Variants in GALNTL6 observed in about 807,000 individuals in gnomAD.
The protein encoded by GALNTL6 is polypeptide N-acetylgalactosaminyltransferase like 6.
In GALNTL6, 46 loss-of-function variants were observed where a neutral mutation model predicts 73.7. The ratio of observed to expected loss-of-function variants is 0.62; its 90% CI spans 0.49 to 0.80. The LOEUF is 0.80. GALNTL6 is among the 30% of genes least tolerant of loss of function. The pLI is 0.00. For synonymous variants in GALNTL6, 259 were observed against 263.7 expected (o/e 0.98, Z 0.17); for missense variants, 604 against 755.0 (o/e 0.80, Z 2.34).
chr4:172,148,520 C>G (rs979612233), intron 2 of GALNTL6, among the ~76,000 whole-genome samples: 1 of 152,206 alleles, frequency 6.6e-6, no homozygotes, highest in East Asian at 1.9e-4. Context: ...ACATAAGGCA[C>G]TGATCCTCCC....
intron 3 of GALNTL6, among the ~76,000 whole-genome samples, chr4:172,286,335 A>T (rs1013804846): frequency 2.0e-5 from 3 of 152,136 alleles, no homozygotes; most frequent in African/African-American, 7.2e-5. Context: ...ATGTGTGATG[A>T]TGTTGTGGGA....
At chr4:172,501,448 A>T (rs751590224) in intron 5 of GALNTL6, among the ~76,000 whole-genome samples, 1 of 152,174 alleles carries the variant, frequency 6.6e-6, no homozygotes, top group Non-Finnish European at 1.5e-5. Flanking sequence ...AAAGCTTAGT[A>T]AAGTAAATAA....
intron 2 of GALNTL6, among the ~76,000 whole-genome samples, chr4:172,015,774 A>C (rs971263680): frequency 1.3e-5 from 2 of 151,956 alleles, no homozygotes; most frequent in African/African-American, 4.8e-5. Context: ...TCTGAAAAAG[A>C]CTTTATCTCA....
chr4:172,083,656 T>C (rs72698986), intron 2 of GALNTL6, among the ~76,000 whole-genome samples: 7 of 152,306 alleles, frequency 4.6e-5, no homozygotes, highest in Non-Finnish European at 1.0e-4. Context: ...TAGTCCCTTC[T>C]CCCCAACCTC....
At chr4:172,387,499 A>G (rs1261942631) in intron 5 of GALNTL6, among the ~76,000 whole-genome samples, 2 of 152,154 alleles carry the variant, frequency 1.3e-5, no homozygotes, top group African/African-American at 4.8e-5. Flanking sequence ...ATTAGAAGTC[A>G]ACTGTTAATC....
chr4:172,207,892 T>C (rs1736194846), intron 2 of GALNTL6, among the ~76,000 whole-genome samples: 2 of 152,222 alleles, frequency 1.3e-5, no homozygotes. Context: ...TTTATTAAAA[T>C]TGATTTAGAA....
At chr4:172,300,566 G>A (rs1442107157) in intron 3 of GALNTL6, among the ~76,000 whole-genome samples, 1 of 152,054 alleles carries the variant, frequency 6.6e-6, no homozygotes, top group Admixed American at 6.6e-5. Flanking sequence ...GGCAGGCCTG[G>A]TGGTGTCAAA....
chr4:171,906,513 AC>A (rs1321474804), intron 2 of GALNTL6, among the ~76,000 whole-genome samples: 56 of 152,024 alleles, frequency 3.7e-4, no homozygotes, highest in Non-Finnish European at 7.1e-4. Flanking sequence ...TAGCTTACCA[AC>A]CAAAAAGAGT....
At chr4:172,254,938 G>T (rs1738021154) in intron 3 of GALNTL6, among the ~76,000 whole-genome samples, 1 of 151,500 alleles carries the variant, frequency 6.6e-6, no homozygotes, top group Non-Finnish European at 1.5e-5. Flanking sequence ...AAGTTATTCG[G>T]TCATTTACAA....
intron 8 of GALNTL6, among the ~76,000 whole-genome samples, chr4:172,910,482 A>C (rs572403655): frequency 7.9e-5 from 12 of 152,310 alleles, no homozygotes; most frequent in Admixed American, 7.2e-4. Context: ...CATTAAACCC[A>C]ATACCTGGCT....
chr4:171,979,374 TG>T (rs1370786000), intron 2 of GALNTL6, among the ~76,000 whole-genome samples: 9 of 152,004 alleles, frequency 5.9e-5, no homozygotes, highest in Non-Finnish European at 1.0e-4. Context: ...CATATAACAA[TG>T]ATAGACAAAA....
At chr4:172,030,392 C>G (rs1261666823) in intron 2 of GALNTL6, among the ~76,000 whole-genome samples, 1 of 151,832 alleles carries the variant, frequency 6.6e-6, no homozygotes, top group Non-Finnish European at 1.5e-5. Context: ...TGGCTGGGGT[C>G]AAAGGAATAT....
At position 172,802,668 on chromosome 4, in the gene GALNTL6, T is replaced by C. The variant is rs183663982; in HGVS notation, c.554-6693T>C. ...ATAAAATAAAATTAGCCAGGCATGG[T>C]GGTGCATGGTTGTAGTCCCAGCTAC... On this transcript the variant is annotated intron_variant, in intron 5 of 12. Coordinates refer to ENST00000506823, the MANE Select transcript of GALNTL6 (RefSeq NM_001034845.3). 1.1e-3 allele frequency among the ~76,000 whole-genome samples: 172 copies of C among 152,252 alleles called. 2 individuals carry two copies. In the East Asian group the frequency reaches 0.033, roughly 29 times the overall value.
intron 2 of GALNTL6, among the ~76,000 whole-genome samples, chr4:171,890,604 T>A (rs1323192500): frequency 6.6e-6 from 1 of 152,292 alleles, no homozygotes; most frequent in South Asian, 2.1e-4. Flanking sequence ...CTAATGAAGA[T>A]CTTCAAATTA....
At chr4:171,985,380 A>G (rs901279244) in intron 2 of GALNTL6, among the ~76,000 whole-genome samples, 1 of 152,196 alleles carries the variant, frequency 6.6e-6, no homozygotes, top group Non-Finnish European at 1.5e-5. Context: ...TGAGTACACT[A>G]TGGGGGAAAC....
chr4:172,832,034 G>A (rs1742665932), intron 7 of GALNTL6, among the ~76,000 whole-genome samples: 1 of 152,206 alleles, frequency 6.6e-6, no homozygotes, highest in Non-Finnish European at 1.5e-5. Context: ...GAAGCCTTGA[G>A]CCTCATATTT....
chr4:172,893,071 G>T (rs1746125381), intron 8 of GALNTL6, among the ~76,000 whole-genome samples: 1 of 152,158 alleles, frequency 6.6e-6, no homozygotes, highest in African/African-American at 2.4e-5. Flanking sequence ...GATGGCTGTG[G>T]GGCCAAGCCA....
intron 2 of GALNTL6, among the ~76,000 whole-genome samples, chr4:172,169,335 G>A (rs1340509412): frequency 1.3e-5 from 2 of 152,168 alleles, no homozygotes; most frequent in Admixed American, 1.3e-4. Flanking sequence ...TCCTGCCACA[G>A]CTGAAAGTTA....
intron 2 of GALNTL6, among the ~76,000 whole-genome samples, chr4:172,166,868 A>G (rs987548181): frequency 6.6e-6 from 1 of 152,170 alleles, no homozygotes; most frequent in East Asian, 1.9e-4. Flanking sequence ...TGCCTCTATC[A>G]TGGTTTGTTA....
Sources: allele counts gnomAD v4.1 joint callset (sites outside exome capture counted in the v4.1 genomes callset), GRCh38; gene constraint gnomAD v4.1.1; transcripts MANE v1.5; gene names NCBI Gene and HGNC (gene_info 2026-07-23, HGNC 2026-07-21).